Variants in ZNF804A observed in about 807,000 individuals in gnomAD.
ZNF804A encodes zinc finger protein 804A.
A neutral mutation model predicts 16.5 loss-of-function variants in ZNF804A; 2 were observed. The ratio of observed to expected loss-of-function variants is 0.12; its 90% CI spans 0.05 to 0.38. The LOEUF is 0.38. ZNF804A is among the 10% of genes least tolerant of loss of function. The pLI is 0.99. For missense variants in ZNF804A, 1,473 were observed against 1,390.7 expected (o/e 1.06, Z -0.94); for synonymous variants, 534 against 489.6 (o/e 1.09, Z -1.20).
chr2:184,823,661 AG>A (rs1379199470), intron 1 of ZNF804A, among the ~76,000 whole-genome samples: 1 of 152,124 alleles, frequency 6.6e-6, no homozygotes, highest in African/African-American at 2.4e-5. Flanking sequence ...AATGGGAAAA[AG>A]GAGGGAAACA....
chr2:184,781,337 G>C (rs1251146785), intron 1 of ZNF804A, among the ~76,000 whole-genome samples: 1 of 151,450 alleles, frequency 6.6e-6, no homozygotes, highest in Non-Finnish European at 1.5e-5. Flanking sequence ...TGGGCAATAA[G>C]GAAAAATAAG....
intron 1 of ZNF804A, among the ~76,000 whole-genome samples, chr2:184,676,825 G>A (rs1001947231): frequency 1.3e-5 from 2 of 151,220 alleles, no homozygotes; most frequent in Non-Finnish European, 3.0e-5. Flanking sequence ...CTTCTGAAGT[G>A]GACTATGTTC....
intron 1 of ZNF804A, among the ~76,000 whole-genome samples, chr2:184,794,125 T>C (rs1272940510): frequency 6.6e-6 from 1 of 152,172 alleles, no homozygotes; most frequent in Non-Finnish European, 1.5e-5. Context: ...GTTCTATTTT[T>C]AGTTCTTTAA....
At chr2:184,639,899 G>A (rs2105692714) in intron 1 of ZNF804A, among the ~76,000 whole-genome samples, 1 of 152,270 alleles carries the variant, frequency 6.6e-6, no homozygotes, top group African/African-American at 2.4e-5. Flanking sequence ...TTACTCGGGA[G>A]ACTGAGGCAG....
intron 1 of ZNF804A, among the ~76,000 whole-genome samples, chr2:184,701,281 T>C (rs1692915644): frequency 6.6e-6 from 1 of 151,932 alleles, no homozygotes; most frequent in African/African-American, 2.4e-5. Context: ...GCCAAAGACT[T>C]GAAGTGTTTC....
chr2:184,870,997 T>C (rs558501467), intron 2 of ZNF804A, among the ~76,000 whole-genome samples: 14 of 151,760 alleles, frequency 9.2e-5, no homozygotes, highest in Admixed American at 4.6e-4. Flanking sequence ...TGTTTTTCCA[T>C]GTGAGAACAT....
chr2:184,937,270 G>C lies in ZNF804A; in HGVS notation c.1874G>C (p.Ser625Thr). The C allele has an allele frequency of 2.5e-6, 4 of 1,613,842 alleles. No homozygotes were observed. The highest frequency in any genetic ancestry group is 3.4e-6 in the Non-Finnish European group (4 of 1,179,910). Residue 625 changes from serine to threonine, a missense_variant, in exon 4 of 4, where the codon AGT (serine) becomes ACT (threonine). Coordinates refer to ENST00000302277, the MANE Select transcript of ZNF804A (RefSeq NM_194250.2). ...ETRCKMEAENSYTENAGKYLL... is the reference protein window; with the variant it reads ...ETRCKMEAENTYTENAGKYLL... ...CGCTGCAAAATGGAAGCAGAGAATA[G>C]TTACACTGAAAATGCTGGGAAATAT...
At chr2:184,668,254 C>T (rs757395254) in intron 1 of ZNF804A, among the ~76,000 whole-genome samples, 24 of 151,788 alleles carry the variant, frequency 1.6e-4, no homozygotes, top group Non-Finnish European at 2.4e-4. Flanking sequence ...AATGAATTAA[C>T]ATATTCATCA....
chr2:184,876,198 C>A (rs1684672293), intron 2 of ZNF804A, among the ~76,000 whole-genome samples: 1 of 152,050 alleles, frequency 6.6e-6, no homozygotes, highest in Non-Finnish European at 1.5e-5. Context: ...AGATTTAGCC[C>A]CAAATTTGAG....
intron 1 of ZNF804A, 58 bp downstream of exon 1, chr2:184,599,128 T>C: frequency 2.2e-6 from 3 of 1,351,542 alleles, no homozygotes; most frequent in East Asian, 2.3e-5. Flanking sequence ...ATTTGGAAGA[T>C]TGAGTTTTTG....
chr2:184,670,256 G>A (rs763991805), intron 1 of ZNF804A, among the ~76,000 whole-genome samples: 1 of 151,794 alleles, frequency 6.6e-6, no homozygotes, highest in Non-Finnish European at 1.5e-5. Flanking sequence ...TTAATTGTTG[G>A]TTTGATTTAA....
chr2:184,881,636 G>T (rs1017015337), intron 2 of ZNF804A, among the ~76,000 whole-genome samples: 2 of 151,930 alleles, frequency 1.3e-5, no homozygotes, highest in African/African-American at 2.4e-5. Context: ...TTAAAGAAAA[G>T]AATTACTAAG....
At chr2:184,744,296 A>G (rs990710333) in intron 1 of ZNF804A, among the ~76,000 whole-genome samples, 1 of 151,972 alleles carries the variant, frequency 6.6e-6, no homozygotes, top group African/African-American at 2.4e-5. Context: ...CAGTATAAGT[A>G]CATCATATTA....
chr2:184,685,464 C>T (rs1419434579), intron 1 of ZNF804A, among the ~76,000 whole-genome samples: 1 of 152,056 alleles, frequency 6.6e-6, no homozygotes, highest in African/African-American at 2.4e-5. Context: ...TCAGTCCCCC[C>T]TTTTGTAGGG....
chr2:184,701,525 G>A (rs1232263483), intron 1 of ZNF804A, among the ~76,000 whole-genome samples: 1 of 151,746 alleles, frequency 6.6e-6, no homozygotes, highest in Non-Finnish European at 1.5e-5. Flanking sequence ...TTCAAATGAG[G>A]TTAGCTGTTT....
At chr2:184,829,762 T>G (rs1441014915) in intron 1 of ZNF804A, among the ~76,000 whole-genome samples, 1 of 151,058 alleles carries the variant, frequency 6.6e-6, no homozygotes, top group Non-Finnish European at 1.5e-5. Flanking sequence ...ATTTTAAAAC[T>G]TATAAAATAA....
intron 2 of ZNF804A, among the ~76,000 whole-genome samples, chr2:184,892,588 G>T (rs1207592604): frequency 6.9e-6 from 1 of 145,372 alleles, no homozygotes; most frequent in Non-Finnish European, 1.5e-5. Flanking sequence ...AGGTTCAAGC[G>T]AACCTCCTGC....
At chr2:184,924,496 T>TA (rs1410475384) in intron 2 of ZNF804A, among the ~76,000 whole-genome samples, 4 of 151,822 alleles carry the variant, frequency 2.6e-5, no homozygotes, top group East Asian at 1.9e-4. Flanking sequence ...TTTAACTTTT[T>TA]AAAAAAACCT....
intron 2 of ZNF804A, among the ~76,000 whole-genome samples, chr2:184,871,415 C>CAA (rs71407821): frequency 0.02 from 2,096 of 105,662 alleles, 28 homozygotes; most frequent in Middle Eastern, 0.066. Context: ...ATTACTCCAG[C>CAA]AAAAAAAAAA....
Sources: gnomAD v4.1 joint callset for allele counts (sites outside exome capture counted in the v4.1 genomes callset) on GRCh38, gnomAD v4.1.1 for gene constraint, MANE v1.5 for transcripts, NCBI Gene and HGNC (gene_info 2026-07-23, HGNC 2026-07-21) for gene names.